The following HTR1A variants were observed in gnomAD, a reference collection of about 807,000 sequenced individuals.
The protein encoded by HTR1A is 5-hydroxytryptamine receptor 1A, also known as 5-HT1a receptor.
HTR1A carries 17 observed loss-of-function variants against 24.6 expected under a neutral mutation model. The observed-to-expected ratio is 0.69, with a 90% CI of 0.47 to 1.04. The LOEUF is 1.04. Among genes scored for constraint, HTR1A ranks in the 50% least tolerant of loss-of-function variants. The pLI is 0.00. For missense variants in HTR1A, 515 were observed against 565.1 expected, an observed-to-expected ratio of 0.91 and a Z score of 0.90; for synonymous variants, 262 against 244.6, an observed-to-expected ratio of 1.07 and a Z score of -0.67.
In HTR1A at chr5:63,961,801, G is replaced by A; in HGVS notation, c.-82C>T. On this transcript the variant is annotated 5_prime_UTR_variant, in exon 1 of 1. Coordinates refer to ENST00000323865, the MANE Select transcript of HTR1A (RefSeq NM_000524.4). ...CTCGCCCCTTCCCCTGGGGTCTTCC[G>A]CCCTTCTCCTGGGAAGTTTCGGAGG... 2 of 1,429,674 alleles carry A rather than the reference G, an allele frequency of 1.4e-6. No individual in the cohort carries two copies. The highest frequency in any genetic ancestry group is 9.8e-7 in the Non-Finnish European group (1 of 1,018,016). The allele number at this position is 1,429,674 out of a possible 1,614,324, so 88.6% of individuals were successfully genotyped here.
rs778483411 is a variant in HTR1A, at chr5:63,962,077, C to G, written c.-358G>C. The stretch of plus-strand genomic sequence containing the variant: ...GGCTGCCGGAGCTGGAGTCTCCCCA[C>G]TAGCAAACAGTCTCCAATCCCAGAA... On this transcript the variant is annotated 5_prime_UTR_variant, in exon 1 of 1. Transcript: ENST00000323865. 2 of 399,166 alleles carry G rather than the reference C, an allele frequency of 5.0e-6. No individual in the cohort carries two copies. The highest frequency in any genetic ancestry group is 9.5e-6 in the Non-Finnish European group (2 of 210,994). 24.7% of individuals were successfully genotyped at this position (399,166 alleles called of 1,614,324 possible).
chr5:63,962,090 T>A lies in HTR1A; in HGVS notation c.-371A>T, dbSNP rs1746452684. 1 of 376,220 alleles carries A rather than the reference T, an allele frequency of 2.7e-6. No individual in the cohort carries two copies. The highest frequency in any genetic ancestry group is 3.9e-5 in the Admixed American group (1 of 25,584). 23.3% of individuals were successfully genotyped at this position (376,220 alleles called of 1,614,324 possible). ...GGAGTCTCCCCACTAGCAAACAGTC[T>A]CCAATCCCAGAAATATCTAGAACCG... On this transcript the variant is annotated 5_prime_UTR_variant, in exon 1 of 1. It introduces an in-frame stop codon into an upstream open reading frame of the 5' UTR. Coordinates refer to ENST00000323865, the MANE Select transcript of HTR1A (RefSeq NM_000524.4).
rs777494279 is a variant in HTR1A, at chr5:63,960,789, C to T, written c.931G>A (p.Ala311Thr). ...GCGGGGGCACAAGGGGTAGGACCAG[C>T]CTCGCTGGGCAGAGGCAAGTGCTCT... ...SKEHLPLPSE[A>T]GPTPCAPASF... The change falls in exon 1 of 1, where the codon GCT (alanine) becomes ACT (threonine). Residue 311 changes from alanine (A) to threonine (T), a missense_variant. By Grantham distance (58) the Ala-to-Thr change is moderately conservative (BLOSUM62 0). Coordinates refer to ENST00000323865, the MANE Select transcript of HTR1A (RefSeq NM_000524.4). 11 of 1,614,116 alleles carry T rather than the reference C, an allele frequency of 6.8e-6. No individual in the cohort carries two copies. In the Admixed American group the frequency reaches 1.2e-4, roughly 17 times the overall value.
Position 63,959,417 on chromosome 5 carries a change from C to T in HTR1A, c.*1034G>A, listed in dbSNP as rs142137923. On this transcript the variant is annotated 3_prime_UTR_variant, in exon 1 of 1. Transcript: ENST00000323865. ...GATCCTGTAAGTCAGCAGCCGGGAG[C>T]GCCTAGCGCGCTGCGAGAGCACAGA... Among the ~76,000 whole-genome samples, 4 of 152,368 alleles carry T rather than the reference C, an allele frequency of 2.6e-5. No individual in the cohort carries two copies. Among genetic ancestry groups the T allele is most frequent in the African/African-American group, 9.6e-5 (4 of 41,592 alleles).
Position 63,961,782 on chromosome 5 carries a change from CCTT to C in HTR1A, c.-66_-64del. 2 of 1,553,862 alleles carry C rather than the reference CCTT, an allele frequency of 1.3e-6. No homozygotes were observed. Among genetic ancestry groups the C allele is most frequent in the Admixed American group, 3.4e-5 (2 of 59,384 alleles). ...AAGCAGCGCGAAGATTCGCCTCGCC[CCTT>C]CCCCTGGGGTCTTCCGCCCTTCTCC... On this transcript the variant is annotated 5_prime_UTR_variant, in exon 1 of 1. Coordinates refer to ENST00000323865, the MANE Select transcript of HTR1A (RefSeq NM_000524.4).
rs1024709868 is a variant in HTR1A at position 63,962,063 on chromosome 5, C to G, written c.-344G>C. On this transcript the variant is annotated 5_prime_UTR_variant, in exon 1 of 1. Transcript: ENST00000323865. ...GCCGCTCCCGAACTGGCTGCCGGAG[C>G]TGGAGTCTCCCCACTAGCAAACAGT... 2.4e-6 allele frequency: 1 copy of G among 416,496 alleles called. No individual in the cohort carries two copies. The highest frequency in any genetic ancestry group is 4.5e-6 in the Non-Finnish European group (1 of 221,508). The allele number at this position is 416,496 out of a possible 1,614,324, so 25.8% of individuals were successfully genotyped here. A position where few individuals can be genotyped will look rare whatever the true frequency, so the allele number is the denominator to read the frequency against.
Position 63,958,559 on chromosome 5 carries a change from G to A in HTR1A, c.*1892C>T, listed in dbSNP as rs1472509349. On this transcript the variant is annotated 3_prime_UTR_variant, in exon 1 of 1. Transcript: ENST00000323865. ...AACATTCGAAAGGTACAGCTGAAGA[G>A]AGAAAAGAGTAGGGATCAATTACTT... 6.6e-6 allele frequency among the ~76,000 whole-genome samples: 1 copy of A among 152,200 alleles called. No homozygotes were observed. The highest frequency in any genetic ancestry group is 1.5e-5 in the Non-Finnish European group (1 of 68,038).
rs1746419246 is a variant in HTR1A at position 63,960,964 on chromosome 5, C to A, written c.756G>T (p.Lys252Asn). Residue 252 changes from lysine (K) to asparagine (N), a missense_variant, in exon 1 of 1, where the codon AAG (lysine) becomes AAT (asparagine). Coordinates refer to ENST00000323865, the MANE Select transcript of HTR1A (RefSeq NM_000524.4). ...HGASPAPQPK[K>N]SVNGESGSRN... Reference sequence around the variant, plus strand: ...TGCTCCCCGACTCTCCATTCACACTCTTCTTGGGCTGCGGGGCGGGAGATG... The same window carrying A: ...TGCTCCCCGACTCTCCATTCACACTATTCTTGGGCTGCGGGGCGGGAGATG... 6.2e-7 allele frequency: 1 copy of A among 1,614,116 alleles called. No homozygotes were observed. Among genetic ancestry groups the A allele is most frequent in the Non-Finnish European group, 8.5e-7 (1 of 1,180,064 alleles).
rs939474478 is a variant in HTR1A at position 63,959,101 on chromosome 5, G to T, written c.*1350C>A. Among the ~76,000 whole-genome samples the T allele has an allele frequency of 1.3e-5, 2 of 152,196 alleles. No individual in the cohort carries two copies. Among genetic ancestry groups the T allele is most frequent in the Admixed American group, 6.5e-5 (1 of 15,290 alleles). On this transcript the variant is annotated 3_prime_UTR_variant, in exon 1 of 1. Transcript: ENST00000323865. ...AGCGAGTGTTGGGACACGCTAAACA[G>T]AATTATTCCCCGATCCAAAAAGGAC...
rs557845021 is a variant in HTR1A at position 63,961,164 on chromosome 5, C to T, written c.556G>A (p.Ala186Thr). The T allele has an allele frequency of 1.2e-6, 2 of 1,614,162 alleles. No homozygotes were observed. The highest frequency in any genetic ancestry group is 1.3e-5 in the African/African-American group (1 of 75,076). Residue 186 changes from alanine to threonine, a missense_variant, in exon 1 of 1, where the codon GCA becomes ACA. Physicochemically the swap from Ala to Thr is moderately conservative, Grantham distance 58. Around this residue, in one of 3 missense-constraint regions of HTR1A, gnomAD observed 381 missense variants for 384.5 expected, o/e 0.99. Coordinates refer to ENST00000323865, the MANE Select transcript of HTR1A (RefSeq NM_000524.4). ...RTPEDRSDPDACTISKDHGYT... is the reference protein window; with the variant it reads ...RTPEDRSDPDTCTISKDHGYT... The stretch of plus-strand genomic sequence containing the variant: ...CCATGATCCTTGCTAATGGTGCATG[C>T]GTCGGGGTCCGAGCGGTCTTCCGGG...
At position 63,961,438 on chromosome 5, in the gene HTR1A, C is replaced by G. The variant is rs1185173030; in HGVS notation, c.282G>C (p.Ala94=). 2 of 1,613,794 alleles carry G rather than the reference C, an allele frequency of 1.2e-6. No individual in the cohort carries two copies. Among genetic ancestry groups the G allele is most frequent in the South Asian group, 1.1e-5 (1 of 91,050 alleles). ...MVSVLVLPMA[A]LYQVLNKWTL... ...TCCACTTGTTGAGCACCTGATACAG[C>G]GCGGCCATGGGCAGCACCAACACCG... Residue 94 remains alanine (A), a synonymous_variant, in exon 1 of 1, where the codon GCG becomes GCC. Coordinates refer to ENST00000323865, the MANE Select transcript of HTR1A (RefSeq NM_000524.4).
At position 63,961,247 on chromosome 5, in the gene HTR1A, G is replaced by C; in HGVS notation, c.473C>G (p.Ser158Trp). The change falls in exon 1 of 1, where the codon TCG (serine) becomes TGG (tryptophan). Residue 158 changes from serine to tryptophan, a missense_variant. Coordinates refer to ENST00000323865, the MANE Select transcript of HTR1A (RefSeq NM_000524.4). ...GAGGAAGCCAATAAGCCAAGTGAGCGAGATGAGCGCAGCGGCGCGCCGGGG... is the reference window on the plus strand; with the variant it reads ...GAGGAAGCCAATAAGCCAAGTGAGCCAGATGAGCGCAGCGGCGCGCCGGGG... ...RTPRRAAALI[S>W]LTWLIGFLIS... The C allele has an allele frequency of 6.2e-7, 1 of 1,614,202 alleles. No individual in the cohort carries two copies. Among genetic ancestry groups the C allele is most frequent in the Non-Finnish European group, 8.5e-7 (1 of 1,180,036 alleles).
Position 63,962,108 on chromosome 5 carries a change from T to A in HTR1A, c.-389A>T, listed in dbSNP as rs994675586. 2.9e-6 allele frequency: 1 copy of A among 348,774 alleles called. No individual in the cohort carries two copies. Among genetic ancestry groups the A allele is most frequent in the African/African-American group, 2.1e-5 (1 of 47,164 alleles). The allele number at this position is 348,774 out of a possible 1,614,324, so 21.6% of individuals were successfully genotyped here. A position where few individuals can be genotyped will look rare whatever the true frequency, so the allele number is the denominator to read the frequency against. ...AACAGTCTCCAATCCCAGAAATATC[T>A]AGAACCGAGAAGCCCCATCCTCCAC... On this transcript the variant is annotated 5_prime_UTR_variant, in exon 1 of 1. The change creates a premature stop within an existing upstream ORF in the 5' untranslated region. Transcript: ENST00000323865.
rs777676588 is a variant in HTR1A at position 63,961,734 on chromosome 5, C to A, written c.-15G>T. 1.2e-6 allele frequency: 2 copies of A among 1,613,688 alleles called. No homozygotes were observed. Among genetic ancestry groups the A allele is most frequent in the Non-Finnish European group, 1.7e-6 (2 of 1,179,972 alleles). On this transcript the variant is annotated 5_prime_UTR_variant, in exon 1 of 1. Transcript: ENST00000323865. The stretch of plus-strand genomic sequence containing the variant: ...AGCACATCCATGCCTGCGCGCCCGG[C>A]GCGGGAAGGGGGAGGGAAGAAAAAG...
chr5:63,960,833 T>G lies in HTR1A; in HGVS notation c.887A>C (p.His296Pro), dbSNP rs1561279004. ...DGAALEVIEV[H>P]RVGNSKEHLP... ...GTGCTCTTTGGAGTTGCCCACTCGG[T>G]GCACCTCGATCACCTCCAGGGCGGC... Residue 296 changes from histidine to proline, a missense_variant, in exon 1 of 1, where the codon CAC becomes CCC. Coordinates refer to ENST00000323865, the MANE Select transcript of HTR1A (RefSeq NM_000524.4). 5 of 1,614,154 alleles carry G rather than the reference T, an allele frequency of 3.1e-6. No individual in the cohort carries two copies. The highest frequency in any genetic ancestry group is 3.3e-5 in the Admixed American group (2 of 60,036).
chr5:63,961,395 A>C lies in HTR1A; in HGVS notation c.325T>G (p.Cys109Gly). 1 of 1,613,852 alleles carries C rather than the reference A, an allele frequency of 6.2e-7. No individual in the cohort carries two copies. Among genetic ancestry groups the C allele is most frequent in the Non-Finnish European group, 8.5e-7 (1 of 1,179,858 alleles). Residue 109 changes from cysteine to glycine, a missense_variant, in exon 1 of 1, where the codon TGC becomes GGC. By Grantham distance (159) the Cys-to-Gly change is radical. This residue lies in a region of HTR1A where 80 missense variants were observed against 130.8 expected (regional missense o/e 0.61). Coordinates refer to ENST00000323865, the MANE Select transcript of HTR1A (RefSeq NM_000524.4). ...LNKWTLGQVT[C>G]DLFIALDVLC... ...ACGTCGAGGGCGATGAACAGGTCGC[A>C]GGTTACCTGGCCCAGTGTCCACTTG...
Position 63,958,720 on chromosome 5 carries a change from G to A in HTR1A, c.*1731C>T, listed in dbSNP as rs1746361329. Among the ~76,000 whole-genome samples the A allele has an allele frequency of 6.6e-6, 1 of 152,154 alleles. No individual in the cohort carries two copies. The highest frequency in any genetic ancestry group is 2.4e-5 in the African/African-American group (1 of 41,432). On this transcript the variant is annotated 3_prime_UTR_variant, in exon 1 of 1. Coordinates refer to ENST00000323865, the MANE Select transcript of HTR1A (RefSeq NM_000524.4). Reference sequence around the variant, plus strand: ...TACCTAAATAACTTCCCTTTCTGGGGCAGCAAAGATTTTAACCAGTTTCTC... The same window carrying A: ...TACCTAAATAACTTCCCTTTCTGGGACAGCAAAGATTTTAACCAGTTTCTC...
At position 63,961,179 on chromosome 5, in the gene HTR1A, G is replaced by T. The variant is rs1223344777; in HGVS notation, c.541C>A (p.Arg181Ser). 1 of 1,614,130 alleles carries T rather than the reference G, an allele frequency of 6.2e-7. No individual in the cohort carries two copies. The highest frequency in any genetic ancestry group is 1.7e-5 in the Admixed American group (1 of 60,036). ...ATGGTGCATGCGTCGGGGTCCGAGC[G>T]GTCTTCCGGGGTGCGCCAGCCCAGC... ...PMLGWRTPED[R>S]SDPDACTISK... Residue 181 changes from arginine (R) to serine (S), a missense_variant, in exon 1 of 1, where the codon CGC (arginine) becomes AGC (serine). Around this residue, in one of 3 missense-constraint regions of HTR1A, gnomAD observed 381 missense variants for 384.5 expected, o/e 0.99. Transcript: ENST00000323865.
rs200647288 is a variant in HTR1A at position 63,961,435 on chromosome 5, C to T, written c.285G>A (p.Leu95=). 5.0e-6 allele frequency: 8 copies of T among 1,613,882 alleles called. No homozygotes were observed. Among genetic ancestry groups the T allele is most frequent in the Non-Finnish European group, 6.8e-6 (8 of 1,179,874 alleles). Residue 95 remains leucine, a synonymous_variant, in exon 1 of 1, where the codon CTG becomes CTA. Transcript: ENST00000323865. Reference sequence around the variant, plus strand: ...GTGTCCACTTGTTGAGCACCTGATACAGCGCGGCCATGGGCAGCACCAACA... The same window carrying T: ...GTGTCCACTTGTTGAGCACCTGATATAGCGCGGCCATGGGCAGCACCAACA... The part of the protein sequence containing the change: ...VSVLVLPMAA[L]YQVLNKWTLG...
Sources: gnomAD v4.1 joint callset for allele counts (sites outside exome capture counted in the v4.1 genomes callset) on GRCh38, gnomAD v4.1.1 for gene constraint, gnomAD v4.1.1 regional missense constraint, MANE v1.5 for transcripts, NCBI Gene and HGNC (gene_info 2026-07-23, HGNC 2026-07-21) for gene names.